Variants in GRK2 observed in about 807,000 individuals in gnomAD.
The protein encoded by GRK2 is adrenergic beta receptor kinase 1.
Under a neutral mutation model 97.8 loss-of-function variants are expected in GRK2, and 23 were observed. The observed-to-expected ratio is 0.24, with a 90% CI of 0.17 to 0.33. The LOEUF is 0.33. Ranked by LOEUF, GRK2 falls within the 10% of genes least tolerant of loss-of-function variation. GRK2 has a pLI of 1.00. For missense variants in GRK2, 633 were observed against 956.9 expected, an observed-to-expected ratio of 0.66 and a Z score of 4.47; for synonymous variants, 425 against 381.7, an observed-to-expected ratio of 1.11 and a Z score of -1.32.
chr11:67,266,755 A>G lies in GRK2; in HGVS notation c.56A>G (p.Lys19Arg). ...ADVSYLMAME[K>R]SKATPAARAS... Reference sequence around the variant, plus strand: ...GTGAGCTACCTGATGGCCATGGAGAAGAGCAAGGCCACGCCGGCCGCGCGC... The same window carrying G: ...GTGAGCTACCTGATGGCCATGGAGAGGAGCAAGGCCACGCCGGCCGCGCGC... The change falls in exon 1 of 21, where the codon AAG becomes AGG. Residue 19 changes from lysine to arginine, a missense_variant. By Grantham distance (26) the Lys-to-Arg change is conservative (BLOSUM62 2). Around this residue, in one of 4 missense-constraint regions of GRK2, gnomAD observed 193 missense variants for 212.2 expected, o/e 0.91. Coordinates refer to ENST00000308595, the MANE Select transcript of GRK2 (RefSeq NM_001619.5). The G allele has an allele frequency of 1.4e-6, 2 of 1,379,434 alleles. No homozygotes were observed. The highest frequency in any genetic ancestry group is 1.7e-5 in the South Asian group (1 of 60,116). The allele number at this position is 1,379,434 out of a possible 1,614,324, so 85.4% of individuals were successfully genotyped here. A position where few individuals can be genotyped will look rare whatever the true frequency, so the allele number is the denominator to read the frequency against.
intron 1 of GRK2, among the ~76,000 whole-genome samples, chr11:67,275,215 C>G (rs1860003472): frequency 6.6e-6 from 1 of 152,312 alleles, no homozygotes; most frequent in African/African-American, 2.4e-5. Context: ...GGGGCCGAGG[C>G]CCGGGAGTCC....
intron 2 of GRK2, among the ~76,000 whole-genome samples, chr11:67,278,225 A>G (rs189006575): frequency 1.3e-5 from 2 of 152,196 alleles, no homozygotes; most frequent in Admixed American, 1.3e-4. Flanking sequence ...GAGGACTGAA[A>G]TGATGGCCGC....
chr11:67,272,642 T>G (rs1334587468), intron 1 of GRK2, among the ~76,000 whole-genome samples: 1 of 152,240 alleles, frequency 6.6e-6, no homozygotes, highest in Admixed American at 6.5e-5. Flanking sequence ...CAGTAGGAGC[T>G]GGTGCAGGCC....
rs754227675 is a variant in GRK2 at position 67,283,964 on chromosome 11, C to T, written c.1491+15C>T. 37 of 1,590,920 alleles carry T rather than the reference C, an allele frequency of 2.3e-5. No homozygotes were observed. Among genetic ancestry groups the T allele is most frequent in the Non-Finnish European group, 3.1e-5 (36 of 1,165,744 alleles). On this transcript the variant is annotated intron_variant, in intron 17 of 20. Transcript: ENST00000308595. ...AAGGAATCAAGGTACTGGGCCTTGCCTGGCCTCTTGTACCTAGGCTGTGAT... is the reference window on the plus strand; with the variant it reads ...AAGGAATCAAGGTACTGGGCCTTGCTTGGCCTCTTGTACCTAGGCTGTGAT...
At position 67,285,546 on chromosome 11, in the gene GRK2, T is replaced by C; in HGVS notation, c.*96T>C. The C allele has an allele frequency of 7.2e-7, 1 of 1,387,742 alleles. No individual in the cohort carries two copies. The highest frequency in any genetic ancestry group is 1.5e-5 in the South Asian group (1 of 65,210). The allele number at this position is 1,387,742 out of a possible 1,614,324, so 86.0% of individuals were successfully genotyped here. A position where few individuals can be genotyped will look rare whatever the true frequency, so the allele number is the denominator to read the frequency against. ...CGGAAAAGGTTTTATTTTGTAATTA[T>C]TGTGATTTCCCGTGGCCCCAGCCTG... On this transcript the variant is annotated 3_prime_UTR_variant, in exon 21 of 21. Transcript: ENST00000308595.
In GRK2 at chr11:67,278,616, T is replaced by G. The variant is rs1328403533; in HGVS notation, c.191-584T>G. On this transcript the variant is annotated intron_variant, in intron 2 of 20. Coordinates refer to ENST00000308595, the MANE Select transcript of GRK2 (RefSeq NM_001619.5). ...CTCCCTGAGCCCTAGTTTCCCCAAC[T>G]GGACCCACCCTCCCTGCCTGTTTCT... 4.6e-5 allele frequency among the ~76,000 whole-genome samples: 7 copies of G among 152,206 alleles called. No individual in the cohort carries two copies. In the South Asian group the frequency reaches 6.2e-4, roughly 13 times the overall value.
At position 67,282,471 on chromosome 11, in the gene GRK2, G is replaced by A; in HGVS notation, c.1089G>A (p.Gln363=). The A allele has an allele frequency of 6.2e-7, 1 of 1,613,694 alleles. No individual in the cohort carries two copies. Among genetic ancestry groups the A allele is most frequent in the East Asian group, 2.2e-5 (1 of 44,872 alleles). Residue 363 remains glutamine (Q), a synonymous_variant, in exon 13 of 21, where the codon CAG becomes CAA. Coordinates refer to ENST00000308595, the MANE Select transcript of GRK2 (RefSeq NM_001619.5). The surrounding 1 kb of genome is among the most constrained non-coding windows in gnomAD (Gnocchi z 6.9). ...GGTACATGGCTCCGGAGGTCCTGCA[G>A]AAGGGCGTGGCCTACGACAGCAGTG... ...THGYMAPEVL[Q]KGVAYDSSAD... is the part of the protein sequence containing the mutation.
Position 67,284,388 on chromosome 11 carries a change from C to A in GRK2, c.1654+15C>A. Reference sequence around the variant, plus strand: ...CCATGAGGAAGGTGAGGGTCGCCGGCTGCTGCGGCACCAGGCCCCTGCCTG... The same window carrying A: ...CCATGAGGAAGGTGAGGGTCGCCGGATGCTGCGGCACCAGGCCCCTGCCTG... On this transcript the variant is annotated intron_variant, in intron 18 of 20. Transcript: ENST00000308595. The A allele has an allele frequency of 6.2e-7, 1 of 1,610,406 alleles. No individual in the cohort carries two copies. The highest frequency in any genetic ancestry group is 8.5e-7 in the Non-Finnish European group (1 of 1,179,410).
chr11:67,280,487 G>A (rs1053887237), intron 6 of GRK2: 2 of 585,384 alleles, frequency 3.4e-6, no homozygotes, highest in South Asian at 3.9e-5. Flanking sequence ...GTGCGGATCT[G>A]ATTCCAGCAG....
chr11:67,279,819 C>T lies in GRK2; in HGVS notation c.442-20C>T, dbSNP rs991104482. ...CGGTCTCTCGGGGCTCAGTCACCAA[C>T]TTCCAGCTTCCTCCCTTAGCCATAC... On this transcript the variant is annotated intron_variant, in intron 5 of 20. Transcript: ENST00000308595. 53 of 1,613,868 alleles carry T rather than the reference C, an allele frequency of 3.3e-5. No homozygotes were observed. Among genetic ancestry groups the T allele is most frequent in the Non-Finnish European group, 4.4e-5 (52 of 1,179,974 alleles).
intron 2 of GRK2, among the ~76,000 whole-genome samples, chr11:67,277,717 C>T (rs535954778): frequency 6.6e-6 from 1 of 152,374 alleles, no homozygotes; most frequent in East Asian, 1.9e-4. Context: ...GCCTGCCGAG[C>T]TGTGGTTGGC....
chr11:67,273,083 C>A (rs1325750917), intron 1 of GRK2, among the ~76,000 whole-genome samples: 1 of 152,232 alleles, frequency 6.6e-6, no homozygotes, highest in East Asian at 1.9e-4. Context: ...GCCGTGTCCA[C>A]CCAGGCTTTG....
At chr11:67,271,320 C>T (rs910767948) in intron 1 of GRK2, among the ~76,000 whole-genome samples, 3 of 152,208 alleles carry the variant, frequency 2.0e-5, no homozygotes, top group Non-Finnish European at 2.9e-5. Context: ...ACAGTAATAT[C>T]CCTTCTCTGC....
chr11:67,280,563 CG>C lies in GRK2; in HGVS notation c.504-166del, dbSNP rs1382320286. 4.6e-5 allele frequency: 35 copies of C among 759,222 alleles called. 1 individual carries two copies. Among genetic ancestry groups the C allele is most frequent in the Admixed American group, 1.7e-4 (8 of 45,918 alleles). 47.0% of individuals were successfully genotyped at this position (759,222 alleles called of 1,614,324 possible). On this transcript the variant is annotated intron_variant, in intron 6 of 20. Transcript: ENST00000308595. Reference sequence around the variant, plus strand: ...AAGCAGCCCTGACTGGTGCTGTGGGCGGGCAGGCCCTCAACATATCCTTCCT... The same window carrying C: ...AAGCAGCCCTGACTGGTGCTGTGGGCGGCAGGCCCTCAACATATCCTTCCT...
rs1301414259 is a variant in GRK2, at chr11:67,266,675, G to A, written c.-25G>A. The A allele has an allele frequency of 7.4e-6, 8 of 1,085,140 alleles. No individual in the cohort carries two copies. In the South Asian group the frequency reaches 1.1e-4, roughly 14 times the overall value. 67.2% of individuals were successfully genotyped at this position (1,085,140 alleles called of 1,614,324 possible). On this transcript the variant is annotated 5_prime_UTR_variant, in exon 1 of 21. Transcript: ENST00000308595. ...GAGCGGCGGCGGCGGCGGCGGCGGCGGGAGGAGGCAGCGCCGCCGCCAAGA... is the reference window on the plus strand; with the variant it reads ...GAGCGGCGGCGGCGGCGGCGGCGGCAGGAGGAGGCAGCGCCGCCGCCAAGA...
chr11:67,283,092 C>T, intron 14 of GRK2, 36 bp from the exon 15 acceptor site: 2 of 1,597,658 alleles, frequency 1.3e-6, no homozygotes, highest in Non-Finnish European at 1.7e-6. Flanking sequence ...AAGGGCTCTT[C>T]CTAAGCCCCT....
intron 1 of GRK2, among the ~76,000 whole-genome samples, chr11:67,271,446 C>T (rs895854058): frequency 5.3e-5 from 8 of 152,322 alleles, no homozygotes; most frequent in African/African-American, 1.4e-4. Context: ...AGAGCCATTT[C>T]GTGTTTGGGA....
chr11:67,279,982 G>A, intron 6 of GRK2, 82 bp downstream of exon 6: 2 of 1,430,516 alleles, frequency 1.4e-6, no homozygotes, highest in South Asian at 2.3e-5. Context: ...GAGGGCAGAA[G>A]CCAGCCTTCA....
intron 15 of GRK2, 41 bp downstream of exon 15, chr11:67,283,269 C>A (rs199819315): frequency 8.4e-6 from 13 of 1,556,606 alleles, no homozygotes; most frequent in Non-Finnish European, 1.1e-5. Flanking sequence ...TGGCTGTGCC[C>A]CCATGAGGAC....
Sources: allele counts gnomAD v4.1 joint callset (sites outside exome capture counted in the v4.1 genomes callset), GRCh38; gene constraint gnomAD v4.1.1; regional missense constraint gnomAD v4.1.1; non-coding constraint Gnocchi (gnomAD v3.1); transcripts MANE v1.5; gene names NCBI Gene and HGNC (gene_info 2026-07-23, HGNC 2026-07-21).